Variants in POTEM observed in about 807,000 individuals in gnomAD.
POTEM encodes the protein putative POTE ankyrin domain family member M.
For missense variants in POTEM, 24 were observed against 343.0 expected (o/e 0.07, Z 7.35); for synonymous variants, 8 against 113.2 (o/e 0.07, Z 5.90).
intron 6 of POTEM, 28 bp downstream of exon 6, chr14:18,980,172 A>AG: frequency 3.0e-6 from 3 of 1,012,974 alleles, no homozygotes; most frequent in African/African-American, 2.2e-5. Context: ...GAATTACTTT[A>AG]GGTTAGTTTT....
chr14:18,979,525 TACA>T (rs1891027972), intron 5 of POTEM, among the ~76,000 whole-genome samples: 1 of 53,610 alleles, frequency 1.9e-5, no homozygotes, highest in African/African-American at 8.7e-5. Context: ...TTCTGAAAAC[TACA>T]ACATTTGCAT....
chr14:18,969,317 GTATA>G (rs796722398), intron 1 of POTEM, among the ~76,000 whole-genome samples: 2,523 of 80,806 alleles, frequency 0.031, 1 homozygote, highest in Middle Eastern at 0.1. Flanking sequence ...GTATATATAT[GTATA>G]TATATATATA....
intron 1 of POTEM, among the ~76,000 whole-genome samples, chr14:18,968,769 G>A (rs1242601961): frequency 6.6e-6 from 1 of 152,412 alleles, no homozygotes; most frequent in East Asian, 1.9e-4. Flanking sequence ...CTTGCAGTGA[G>A]CCGAGATCAC....
intron 4 of POTEM, among the ~76,000 whole-genome samples, chr14:18,977,018 T>G (rs1381029267): frequency 6.6e-6 from 1 of 152,344 alleles, no homozygotes; most frequent in Admixed American, 6.5e-5. Flanking sequence ...CATCATTAAC[T>G]GAAACTCCTG....
chr14:18,996,230 C>T (rs1891297403), intron 9 of POTEM, among the ~76,000 whole-genome samples: 1 of 151,500 alleles, frequency 6.6e-6, no homozygotes, highest in African/African-American at 2.4e-5. Flanking sequence ...ATCTCTCTCT[C>T]ATACACAGAT....
At chr14:18,985,653 C>G (rs1196306998) in intron 7 of POTEM, among the ~76,000 whole-genome samples, 172 bp downstream of exon 7, 1 of 133,928 alleles carries the variant, frequency 7.5e-6, no homozygotes, top group Non-Finnish European at 1.5e-5. Flanking sequence ...TGCCTGTAAT[C>G]TCAGCACTTT....
intron 9 of POTEM, among the ~76,000 whole-genome samples, chr14:18,995,124 A>G (rs1339342032): frequency 2.8e-5 from 2 of 70,736 alleles, no homozygotes. Context: ...CCCATTGTGT[A>G]GGTTGTTGGT....
rs1460933139 is a variant in POTEM at position 18,969,313 on chromosome 14, ATATG to A, written c.521+1311_521+1314del. Among the ~76,000 whole-genome samples the A allele has an allele frequency of 2.5e-3, 164 of 65,784 alleles. 1 individual carries two copies. Among genetic ancestry groups the A allele is most frequent in the African/African-American group, 0.012 (145 of 12,576 alleles). The allele number at this position is 65,784 out of a possible 152,430, so 43.2% of individuals were successfully genotyped here. A position where few individuals can be genotyped will look rare whatever the true frequency, so the allele number is the denominator to read the frequency against. ...TGTATATATATGTATATACGTATAT[ATATG>A]TATATATATATATATACGTATATAC... On this transcript the variant is annotated intron_variant, in intron 1 of 10. Coordinates refer to ENST00000547889, the MANE Select transcript of POTEM (RefSeq NM_001145442.1).
intron 7 of POTEM, among the ~76,000 whole-genome samples, chr14:18,986,037 A>G (rs1412524843): frequency 1.1e-4 from 10 of 93,484 alleles, no homozygotes; most frequent in African/African-American, 5.2e-4. Flanking sequence ...ATAACCCACT[A>G]TGAAATTTAA....
At chr14:18,969,353 A>ATATACATATATATACATG (rs1890852318) in intron 1 of POTEM, among the ~76,000 whole-genome samples, 1 of 100,950 alleles carries the variant, frequency 9.9e-6, no homozygotes, top group Non-Finnish European at 1.8e-5. Context: ...ATATATATAC[A>ATATACATATATATACATG]TGTGTATATA....
chr14:19,003,607 TTTGG>T lies in POTEM; in HGVS notation c.*4946_*4949del, dbSNP rs1445386959. Among the ~76,000 whole-genome samples, 2 of 135,384 alleles carry T rather than the reference TTTGG, an allele frequency of 1.5e-5. No individual in the cohort carries two copies. Among genetic ancestry groups the T allele is most frequent in the East Asian group, 4.1e-4 (2 of 4,920 alleles). The allele number at this position is 135,384 out of a possible 152,430, so 88.8% of individuals were successfully genotyped here. A position where few individuals can be genotyped will look rare whatever the true frequency, so the allele number is the denominator to read the frequency against. ...GCAGAGAGTCCCTGATCTCCCAAAA[TTTGG>T]TTGAGATGTAAGGTTGATTTTGCTG... On this transcript the variant is annotated 3_prime_UTR_variant, in exon 11 of 11. Coordinates refer to ENST00000547889, the MANE Select transcript of POTEM (RefSeq NM_001145442.1).
chr14:18,992,326 A>AT, intron 9 of POTEM: 1 of 103,812 alleles, frequency 9.6e-6, no homozygotes, highest in East Asian at 1.9e-4. Flanking sequence ...TAACATCATC[A>AT]TTTTTTAGAG....
At chr14:18,981,056 C>G (rs1381547252) in intron 6 of POTEM, among the ~76,000 whole-genome samples, 1 of 151,956 alleles carries the variant, frequency 6.6e-6, no homozygotes, top group Non-Finnish European at 1.5e-5. Flanking sequence ...TGCTAGTATG[C>G]TACCTGATTG....
At position 19,002,732 on chromosome 14, in the gene POTEM, G is replaced by A. The variant is rs554469436; in HGVS notation, c.*4067G>A. 6.6e-6 allele frequency among the ~76,000 whole-genome samples: 1 copy of A among 152,370 alleles called. No individual in the cohort carries two copies. Among genetic ancestry groups the A allele is most frequent in the East Asian group, 1.9e-4 (1 of 5,192 alleles). ...CGTACCATATCAGTGGAGAGCTGCA[G>A]CAAGGTGGCCCCTACGGCCACGCAC... is the stretch of plus-strand genomic sequence containing the variant. On this transcript the variant is annotated 3_prime_UTR_variant, in exon 11 of 11. Coordinates refer to ENST00000547889, the MANE Select transcript of POTEM (RefSeq NM_001145442.1).
intron 6 of POTEM, among the ~76,000 whole-genome samples, chr14:18,982,259 C>T (rs1384182794): frequency 6.6e-6 from 1 of 151,842 alleles, no homozygotes; most frequent in Non-Finnish European, 1.5e-5. Context: ...ACAATGTGTG[C>T]TGCAGGGGCT....
At chr14:18,971,908 TAA>T (rs1890883276) in intron 1 of POTEM, among the ~76,000 whole-genome samples, 1 of 100,442 alleles carries the variant, frequency 1.0e-5, no homozygotes. Flanking sequence ...TTGTTTGGCT[TAA>T]AGTTTATTGA....
At chr14:18,998,592 A>AT in intron 10 of POTEM, 75 bp from the exon 11 acceptor site, 1 of 76,486 alleles carries the variant, frequency 1.3e-5, no homozygotes, top group Non-Finnish European at 2.4e-5. Flanking sequence ...TACAGATGTT[A>AT]TTTTTTAATT....
Position 18,988,257 on chromosome 14 carries a change from TG to T in POTEM, c.1246del (p.Glu416LysfsTer4). 1.7e-6 allele frequency: 1 copy of T among 590,644 alleles called. No homozygotes were observed. The highest frequency in any genetic ancestry group is 2.6e-6 in the Non-Finnish European group (1 of 384,328). 36.6% of individuals were successfully genotyped at this position (590,644 alleles called of 1,614,324 possible). ...EINKGGDRKV[E>X]EEMKKHGSTH... ...TTAATATCAAACTTTCATTCAAGGT[TG>T]AAGAAGAAATGAAGAAGCACGGAAG... On this transcript the variant is annotated frameshift_variant, in exon 9 of 11. Coordinates refer to ENST00000547889, the MANE Select transcript of POTEM (RefSeq NM_001145442.1). LOFTEE classifies it high-confidence loss of function.
intron 1 of POTEM, among the ~76,000 whole-genome samples, chr14:18,969,323 A>ATGTG (rs1890848518): frequency 1.8e-5 from 2 of 112,776 alleles, no homozygotes; most frequent in Admixed American, 8.2e-5. Flanking sequence ...ATATGTATAT[A>ATGTG]TATATATATA....
Sources: gnomAD v4.1 joint callset for allele counts (sites outside exome capture counted in the v4.1 genomes callset) on GRCh38, gnomAD v4.1.1 for gene constraint, MANE v1.5 for transcripts, NCBI Gene and HGNC (gene_info 2026-07-23, HGNC 2026-07-21) for gene names.